Variants in VPS39 observed in about 807,000 individuals in gnomAD.
VPS39 encodes vam6/Vps39-like protein.
A neutral mutation model predicts 121.0 loss-of-function variants in VPS39; 70 were observed. The ratio of observed to expected loss-of-function variants is 0.58; its 90% CI spans 0.48 to 0.71. The LOEUF (loss-of-function observed/expected upper bound fraction) is 0.71, where lower values mean the gene tolerates loss of function less well. Ranked by LOEUF, VPS39 falls within the 30% of genes least tolerant of loss-of-function variation. The pLI, the probability that VPS39 is intolerant of heterozygous loss-of-function variation, is 0.00. For synonymous variants in VPS39, 378 were observed against 398.1 expected (o/e 0.95, Z 0.60); for missense variants, 818 against 1,051.5 (o/e 0.78, Z 3.07).
At position 42,208,080 on chromosome 15, in the gene VPS39, C is replaced by A. The variant is rs2050214404; in HGVS notation, c.73+1G>T. The stretch of plus-strand genomic sequence containing the variant: ...CTCGGCCCCGCGGCCCCTCGGCTCA[C>A]CCCAGGCAGCCAGACAGTCGATTTG... On this transcript the variant is annotated splice_donor_variant, in intron 1 of 24. Transcript: ENST00000318006. LOFTEE classifies it high-confidence loss of function. The A allele has an allele frequency of 6.3e-7, 1 of 1,579,620 alleles. No individual in the cohort carries two copies. The highest frequency in any genetic ancestry group is 8.6e-7 in the Non-Finnish European group (1 of 1,162,168).
In VPS39 at chr15:42,159,647, T is replaced by G. The variant is rs1243217035; in HGVS notation, c.*1107A>C. The G allele has an allele frequency of 6.6e-6, 1 of 152,376 alleles. No individual in the cohort carries two copies. Among genetic ancestry groups the G allele is most frequent in the Non-Finnish European group, 1.5e-5 (1 of 68,170 alleles). 9.4% of individuals were successfully genotyped at this position (152,376 alleles called of 1,614,324 possible). A position where few individuals can be genotyped will look rare whatever the true frequency, so the allele number is the denominator to read the frequency against. On this transcript the variant is annotated 3_prime_UTR_variant, in exon 25 of 25. Coordinates refer to ENST00000318006, the MANE Select transcript of VPS39 (RefSeq NM_015289.5). The stretch of plus-strand genomic sequence containing the variant: ...ACGCCATTGTCAGTTCCAGGTCCAC[T>G]CATCCCCTGCGTGTTGCCGGGACCC...
At chr15:42,186,763 C>T (rs190764474) in intron 7 of VPS39, among the ~76,000 whole-genome samples, 2 of 152,270 alleles carry the variant, frequency 1.3e-5, no homozygotes, top group East Asian at 3.9e-4. Context: ...GGTTGATTTG[C>T]ACTTCCTTTA....
chr15:42,191,942 G>T, intron 2 of VPS39: 1 of 1,165,172 alleles, frequency 8.6e-7, no homozygotes, highest in Non-Finnish European at 1.2e-6. Context: ...CCAGCCCAAA[G>T]CATCCTTAGA....
intron 24 of VPS39, chr15:42,161,185 G>A (rs900200979): frequency 2.7e-5 from 9 of 329,796 alleles, no homozygotes; most frequent in Non-Finnish European, 4.5e-5. Context: ...TGAAAAGGAC[G>A]GCGAGTTTGT....
chr15:42,177,661 CATTA>C (rs1357892400), intron 10 of VPS39, among the ~76,000 whole-genome samples: 1 of 150,340 alleles, frequency 6.7e-6, no homozygotes, highest in Non-Finnish European at 1.5e-5. Context: ...TTTATTCTCC[CATTA>C]ATTTTTTTTT....
intron 23 of VPS39, 121 bp downstream of exon 23, chr15:42,161,911 G>A (rs2049135136): frequency 1.3e-6 from 2 of 1,584,138 alleles, no homozygotes; most frequent in Non-Finnish European, 1.7e-6. Flanking sequence ...TGTCAAGCTG[G>A]CTACTGGATC....
intron 11 of VPS39, among the ~76,000 whole-genome samples, chr15:42,170,546 C>G (rs1378412147): frequency 6.6e-6 from 1 of 151,940 alleles, no homozygotes; most frequent in Non-Finnish European, 1.5e-5. Context: ...TAAACAAATT[C>G]ACATAAATTG....
At chr15:42,195,207 G>A (rs377167553) in intron 2 of VPS39, among the ~76,000 whole-genome samples, 5 of 152,092 alleles carry the variant, frequency 3.3e-5, no homozygotes, top group African/African-American at 9.7e-5. Flanking sequence ...TTGGGAGGTC[G>A]AGGCGGGCGG....
chr15:42,195,708 G>A (rs191696476), intron 2 of VPS39, among the ~76,000 whole-genome samples: 1 of 152,312 alleles, frequency 6.6e-6, no homozygotes, highest in East Asian at 1.9e-4. Context: ...CATGATCATG[G>A]ATAGGAAGAA....
rs1325445566 is a variant in VPS39, at chr15:42,187,844, C to T, written c.355G>A (p.Gly119Ser). 4.3e-6 allele frequency: 7 copies of T among 1,613,982 alleles called. No individual in the cohort carries two copies. The highest frequency in any genetic ancestry group is 4.0e-5 in the African/African-American group (3 of 74,916). The change falls in exon 6 of 25, where the codon GGT (glycine) becomes AGT (serine). Residue 119 changes from glycine to serine, a missense_variant. Physicochemically the swap from Gly to Ser is moderately conservative, Grantham distance 56 (BLOSUM62 0). Coordinates refer to ENST00000318006, the MANE Select transcript of VPS39 (RefSeq NM_015289.5). ...FTCDLQHTET[G>S]EEVLRMCVAV... ...ACACACATCCGTAACACCTCCTCAC[C>T]GGTCTCTGTGTGCTGGGAGGAGACA...
chr15:42,191,372 C>G, intron 3 of VPS39, 124 bp downstream of exon 3: 1 of 1,106,374 alleles, frequency 9.0e-7, no homozygotes, highest in Non-Finnish European at 1.3e-6. Flanking sequence ...AGCAGACACT[C>G]CTGCATAAAT....
chr15:42,186,711 AC>A (rs747149782), intron 7 of VPS39, among the ~76,000 whole-genome samples: 39 of 152,368 alleles, frequency 2.6e-4, no homozygotes, highest in South Asian at 6.2e-4. Context: ...AAGTTCATAT[AC>A]CAAGAAGTTG....
At chr15:42,202,672 A>G (rs1302421212) in intron 1 of VPS39, among the ~76,000 whole-genome samples, 1 of 152,152 alleles carries the variant, frequency 6.6e-6, no homozygotes. Flanking sequence ...AATCCCTGCC[A>G]GTTCCTGCTT....
chr15:42,176,160 C>T lies in VPS39; in HGVS notation c.960+2058G>A, dbSNP rs1446430353. ...TAGAAAAGAGAAGGAAAAATGGGAA[C>T]CCACTTCCATTTTCTTTACCTGAGA... On this transcript the variant is annotated intron_variant, in intron 10 of 24. Transcript: ENST00000318006. Among the ~76,000 whole-genome samples, 7 of 152,150 alleles carry T rather than the reference C, an allele frequency of 4.6e-5. No homozygotes were observed. In the East Asian group the frequency reaches 1.4e-3, roughly 29 times the overall value.
At chr15:42,202,278 G>A (rs2050083582) in intron 1 of VPS39, among the ~76,000 whole-genome samples, 1 of 152,076 alleles carries the variant, frequency 6.6e-6, no homozygotes, top group African/African-American at 2.4e-5. Flanking sequence ...AAAACAGAGT[G>A]ATTCTATTTT....
At chr15:42,171,621 T>TTG (rs1226431901) in intron 11 of VPS39, among the ~76,000 whole-genome samples, 11 of 152,244 alleles carry the variant, frequency 7.2e-5, no homozygotes, top group African/African-American at 2.7e-4. Flanking sequence ...ATTTATCCTT[T>TTG]TAACCATTTG....
At chr15:42,189,555 CCT>C (rs2049776709) in intron 4 of VPS39, among the ~76,000 whole-genome samples, 1 of 151,782 alleles carries the variant, frequency 6.6e-6, no homozygotes, top group African/African-American at 2.4e-5. Context: ...ACAGTGAAAC[CCT>C]GTCTCTACTA....
intron 7 of VPS39, among the ~76,000 whole-genome samples, chr15:42,185,999 T>C (rs2049692526): frequency 6.6e-6 from 1 of 152,222 alleles, no homozygotes; most frequent in South Asian, 2.1e-4. Context: ...TCAGTTCCCT[T>C]ATTCCTTGTG....
At position 42,159,727 on chromosome 15, in the gene VPS39, C is replaced by G. The variant is rs2049093081; in HGVS notation, c.*1027G>C. The stretch of plus-strand genomic sequence containing the variant: ...CCAACCACACCATTGCTGAACAAAG[C>G]TGGGGAGTGACGGCCAGGGCAGGCT... On this transcript the variant is annotated 3_prime_UTR_variant, in exon 25 of 25. Coordinates refer to ENST00000318006, the MANE Select transcript of VPS39 (RefSeq NM_015289.5). 1 of 152,424 alleles carries G rather than the reference C, an allele frequency of 6.6e-6. No homozygotes were observed. The highest frequency in any genetic ancestry group is 2.1e-4 in the South Asian group (1 of 4,840). The allele number at this position is 152,424 out of a possible 1,614,324, so 9.4% of individuals were successfully genotyped here.
Sources: allele counts gnomAD v4.1 joint callset (sites outside exome capture counted in the v4.1 genomes callset), GRCh38; gene constraint gnomAD v4.1.1; transcripts MANE v1.5; gene names NCBI Gene and HGNC (gene_info 2026-07-23, HGNC 2026-07-21).